The following MAP4K1 variants were observed in gnomAD, a reference collection of about 807,000 sequenced individuals.
The protein encoded by MAP4K1 is mitogen-activated protein kinase kinase kinase kinase 1, also known as MAPK/ERK kinase kinase kinase 1.
MAP4K1 carries 35 observed loss-of-function variants against 122.8 expected under a neutral mutation model. The observed-to-expected ratio is 0.29, with a 90% confidence interval of 0.22 to 0.38. The LOEUF is 0.38. Among genes scored for constraint, MAP4K1 ranks in the 10% least tolerant of loss-of-function variants. MAP4K1 has a pLI of 1.00. For synonymous variants in MAP4K1, 412 were observed against 421.3 expected (o/e 0.98, Z 0.27); for missense variants, 791 against 1,072.6 (o/e 0.74, Z 3.67).
intron 22 of MAP4K1, among the ~76,000 whole-genome samples, chr19:38,598,871 C>T (rs1051374682): frequency 4.0e-5 from 6 of 148,650 alleles, no homozygotes; most frequent in South Asian, 2.1e-4. Flanking sequence ...AAATTAGCCG[C>T]GTGTGGTGGC....
chr19:38,596,383 G>C lies in MAP4K1; in HGVS notation c.2045C>G (p.Pro682Arg), dbSNP rs1253915627. The change falls in exon 26 of 31, where the codon CCG (proline) becomes CGG (arginine). Residue 682 changes from proline (P) to arginine (R), a missense_variant. This residue lies in a region of MAP4K1 where 267 missense variants were observed against 323.0 expected (regional missense o/e 0.83). Transcript: ENST00000396857. ...AVCIGVSPGR[P>R]GKSVLFHTVR... is the part of the protein sequence containing the mutation. ...CGTGTGGAAGAGCACCGACTTCCCC[G>C]GCCGCCCGGGGCTCACGCCGATGCA... 1.3e-6 allele frequency: 2 copies of C among 1,597,668 alleles called. No individual in the cohort carries two copies. The highest frequency in any genetic ancestry group is 1.7e-6 in the Non-Finnish European group (2 of 1,175,222).
Position 38,617,696 on chromosome 19 carries a change from A to C in MAP4K1, c.100-71T>G. On this transcript the variant is annotated intron_variant, in intron 1 of 30. Transcript: ENST00000396857. This position sits in a 1 kb window ranked among gnomAD's most constrained non-coding sequence, Gnocchi z 4.1. The stretch of plus-strand genomic sequence containing the variant: ...GTCCCTCCACAGCATCCCTGAGTCA[A>C]GGTCAAGAACTGGGACCCCCTCTTG... 1.2e-6 allele frequency: 2 copies of C among 1,606,284 alleles called. No individual in the cohort carries two copies. Among genetic ancestry groups the C allele is most frequent in the Non-Finnish European group, 1.7e-6 (2 of 1,172,844 alleles).
intron 9 of MAP4K1, among the ~76,000 whole-genome samples, chr19:38,611,838 C>T (rs1398004618): frequency 6.6e-6 from 1 of 151,852 alleles, no homozygotes; most frequent in Non-Finnish European, 1.5e-5. Flanking sequence ...GTGGCTCACA[C>T]CTTTAATCCC....
rs185801281 is a variant in MAP4K1, at chr19:38,603,042, A to G, written c.1447-1517T>C. The stretch of plus-strand genomic sequence containing the variant: ...TACATGTATACATATATACACATGT[A>G]CATATATACGCATATACATATACAC... On this transcript the variant is annotated intron_variant, in intron 19 of 30. Coordinates refer to ENST00000396857, the MANE Select transcript of MAP4K1 (RefSeq NM_001042600.3). Among the ~76,000 whole-genome samples the G allele has an allele frequency of 6.3e-4, 90 of 143,702 alleles. 1 individual carries two copies. Among genetic ancestry groups the G allele is most frequent in the Non-Finnish European group, 2.1e-4 (14 of 66,676 alleles). The allele number at this position is 143,702 out of a possible 152,430, so 94.3% of individuals were successfully genotyped here.
In MAP4K1 at chr19:38,595,743, G is replaced by A. The variant is rs2287736; in HGVS notation, c.2180-14C>T. 6.3e-7 allele frequency: 1 copy of A among 1,585,992 alleles called. No individual in the cohort carries two copies. Among genetic ancestry groups the A allele is most frequent in the African/African-American group, 1.4e-5 (1 of 73,742 alleles). On this transcript the variant is annotated splice_polypyrimidine_tract_variant and intron_variant, in intron 27 of 30. Transcript: ENST00000396857. Reference sequence around the variant, plus strand: ...GCTTCACAGAGCCTGGAAGGAGATAGACGGTTTTAAGAACTGTGAGCAAGG... The same window carrying A: ...GCTTCACAGAGCCTGGAAGGAGATAAACGGTTTTAAGAACTGTGAGCAAGG...
rs1159189311 is a variant in MAP4K1 at position 38,601,496 on chromosome 19, A to G, written c.1476T>C (p.Asn492=). ...TGCTGTGGATCCGGAGGGGGCAGCC[A>G]TTGAACAACTTTACGAGAAGGGCAC... ...KGCALLVKLF[N]GCPLRIHSTA... The change falls in exon 20 of 31, where the codon AAT becomes AAC. Residue 492 remains asparagine, a synonymous_variant. Transcript: ENST00000396857. 3 of 1,610,030 alleles carry G rather than the reference A, an allele frequency of 1.9e-6. No individual in the cohort carries two copies. The highest frequency in any genetic ancestry group is 2.5e-6 in the Non-Finnish European group (3 of 1,178,466).
intron 13 of MAP4K1, 123 bp from the exon 14 acceptor site, chr19:38,608,293 TG>T (rs1975392683): frequency 1.9e-6 from 1 of 513,616 alleles, no homozygotes. Flanking sequence ...GGACTGCAAA[TG>T]ATCTCAGGGA....
chr19:38,605,872 C>G lies in MAP4K1; in HGVS notation c.1201-142G>C, dbSNP rs1975315292. 7 of 764,356 alleles carry G rather than the reference C, an allele frequency of 9.2e-6. 1 individual carries two copies. The highest frequency in any genetic ancestry group is 3.6e-5 in the South Asian group (2 of 56,046). 47.3% of individuals were successfully genotyped at this position (764,356 alleles called of 1,614,324 possible). A position where few individuals can be genotyped will look rare whatever the true frequency, so the allele number is the denominator to read the frequency against. On this transcript the variant is annotated intron_variant, in intron 17 of 30. Transcript: ENST00000396857. ...CCCCCGACAACATCTTGTGCCCCCTCCAGCCTTCCCCTGACATCCCCAGCC... is the reference window on the plus strand; with the variant it reads ...CCCCCGACAACATCTTGTGCCCCCTGCAGCCTTCCCCTGACATCCCCAGCC...
At chr19:38,593,170 C>A (rs1974776737) in intron 30 of MAP4K1, 112 bp downstream of exon 30, 4 of 955,352 alleles carry the variant, frequency 4.2e-6, no homozygotes, top group Non-Finnish European at 6.1e-6. Flanking sequence ...AGCAGGGTGA[C>A]CAGGTGAGAC....
intron 20 of MAP4K1, 109 bp from the exon 21 acceptor site, chr19:38,600,262 T>TA: frequency 1.1e-6 from 1 of 878,438 alleles, no homozygotes; most frequent in South Asian, 1.5e-5. Flanking sequence ...TCTGACCCTC[T>TA]ATTCTTTCTC....
intron 19 of MAP4K1, among the ~76,000 whole-genome samples, chr19:38,602,498 A>G (rs887423828): frequency 3.3e-5 from 5 of 150,844 alleles, no homozygotes; most frequent in African/African-American, 1.2e-4. Context: ...ACATATATAC[A>G]TATATACACG....
chr19:38,590,904 A>G (rs940037114), intron 30 of MAP4K1, among the ~76,000 whole-genome samples: 1 of 151,838 alleles, frequency 6.6e-6, no homozygotes, highest in Non-Finnish European at 1.5e-5. Context: ...CATACACTGA[A>G]GTATTTTAGG....
intron 13 of MAP4K1, among the ~76,000 whole-genome samples, chr19:38,608,755 G>C (rs146969454): frequency 5.5e-5 from 7 of 126,510 alleles, no homozygotes; most frequent in Admixed American, 3.1e-4. Context: ...AGCCAAGATC[G>C]CACCATCGCA....
At chr19:38,610,392 T>TA (rs1975462308) in intron 11 of MAP4K1, among the ~76,000 whole-genome samples, 1 of 138,868 alleles carries the variant, frequency 7.2e-6, no homozygotes, top group South Asian at 2.5e-4. Context: ...TTTTTTTTTT[T>TA]TTTTTTTTTT....
At chr19:38,613,998 C>T (rs752011899) in intron 7 of MAP4K1, 45 bp downstream of exon 7, 24 of 1,612,818 alleles carry the variant, frequency 1.5e-5, no homozygotes, top group Middle Eastern at 1.7e-4. Flanking sequence ...ACTGCGCTTC[C>T]GGCCCCCCAG....
At chr19:38,615,196 G>A (rs1275529193) in intron 4 of MAP4K1, among the ~76,000 whole-genome samples, 1 of 151,586 alleles carries the variant, frequency 6.6e-6, no homozygotes, top group Admixed American at 6.6e-5. Context: ...ATAGTCCCTG[G>A]TGGGTCTGGA....
chr19:38,599,056 C>T (rs1231815781), intron 22 of MAP4K1, among the ~76,000 whole-genome samples: 9 of 140,884 alleles, frequency 6.4e-5, no homozygotes, highest in African/African-American at 1.9e-4. Context: ...AGGCCAGGTG[C>T]GGTGGCCCAC....
chr19:38,588,668 C>T (rs1399331083), intron 30 of MAP4K1, among the ~76,000 whole-genome samples: 1 of 150,690 alleles, frequency 6.6e-6, no homozygotes, highest in African/African-American at 2.4e-5. Flanking sequence ...AGGAGAATGG[C>T]GTGAACCTGG....
At position 38,593,306 on chromosome 19, in the gene MAP4K1, G is replaced by A. The variant is rs759150067; in HGVS notation, c.2372C>T (p.Thr791Ile). ...CCTGGGGGAGCCAAGCAGACGGAAAGTGAGGGTAGGGTCTCTCAGCTCCTG... is the reference window on the plus strand; with the variant it reads ...CCTGGGGGAGCCAAGCAGACGGAAAATGAGGGTAGGGTCTCTCAGCTCCTG... ...LLQELRDPTL[T>I]FRLLGSPRPV... Residue 791 changes from threonine (T) to isoleucine (I), a missense_variant, in exon 30 of 31, where the codon ACT becomes ATT. Coordinates refer to ENST00000396857, the MANE Select transcript of MAP4K1 (RefSeq NM_001042600.3). 6.2e-7 allele frequency: 1 copy of A among 1,612,440 alleles called. No homozygotes were observed. Among genetic ancestry groups the A allele is most frequent in the Non-Finnish European group, 8.5e-7 (1 of 1,179,224 alleles).
Sources: allele counts gnomAD v4.1 joint callset (sites outside exome capture counted in the v4.1 genomes callset), GRCh38; gene constraint gnomAD v4.1.1; regional missense constraint gnomAD v4.1.1; non-coding constraint Gnocchi (gnomAD v3.1); transcripts MANE v1.5; gene names NCBI Gene and HGNC (gene_info 2026-07-23, HGNC 2026-07-21).